ZNF286A: variants seen among roughly 807,000 people sequenced by gnomAD.
ZNF286A encodes zinc finger protein ZNF286.
In ZNF286A, 34 loss-of-function variants were observed where a neutral mutation model predicts 49.3. The observed-to-expected ratio is 0.69, with a 90% CI of 0.52 to 0.92. The LOEUF (loss-of-function observed/expected upper bound fraction) is 0.92. Among genes scored for constraint, ZNF286A ranks in the 40% least tolerant of loss-of-function variants. ZNF286A has a pLI of 0.00. For synonymous variants in ZNF286A, 155 were observed against 200.4 expected (o/e 0.77, Z 1.91); for missense variants, 462 against 600.2 (o/e 0.77, Z 2.41).
At chr17:15,712,570 A>C (rs1386428062) in intron 5 of ZNF286A, among the ~76,000 whole-genome samples, 2 of 152,248 alleles carry the variant, frequency 1.3e-5, no homozygotes, top group African/African-American at 2.4e-5. Context: ...GTGGAAATCT[A>C]CGCACAGTCT....
At chr17:15,716,025 A>G in intron 5 of ZNF286A, 34 bp from the exon 6 acceptor site, 1 of 1,613,806 alleles carries the variant, frequency 6.2e-7, no homozygotes, top group Non-Finnish European at 8.5e-7. Context: ...GAGCACAGAA[A>G]ACGAAGGAAA....
Position 15,716,677 on chromosome 17 carries a change from G to C in ZNF286A, c.953G>C (p.Arg318Thr). ...TESSSLATHQ[R>T]IHVGERPYEC... Reference sequence around the variant, plus strand: ...AGCTCATCCCTTGCAACACATCAGAGAATTCACGTTGGAGAGAGACCTTAT... The same window carrying C: ...AGCTCATCCCTTGCAACACATCAGACAATTCACGTTGGAGAGAGACCTTAT... The change falls in exon 6 of 6, where the codon AGA becomes ACA. Residue 318 changes from arginine (R) to threonine (T), a missense_variant. Arg to Thr is a moderately conservative substitution (Grantham distance 71, BLOSUM62 -1). Transcript: ENST00000583566. 1.2e-6 allele frequency: 2 copies of C among 1,614,028 alleles called. No individual in the cohort carries two copies. The highest frequency in any genetic ancestry group is 8.5e-7 in the Non-Finnish European group (1 of 1,179,936).
intron 5 of ZNF286A, among the ~76,000 whole-genome samples, chr17:15,709,073 T>C (rs1290642690): frequency 3.3e-5 from 5 of 152,128 alleles, no homozygotes; most frequent in Non-Finnish European, 7.3e-5. Context: ...AGTATGTGCG[T>C]TCTAGTTGTT....
Position 15,716,298 on chromosome 17 carries a change from G to A in ZNF286A, c.574G>A (p.Asp192Asn). ...SLSEETDHKH[D>N]VYWKSFNQKS... The stretch of plus-strand genomic sequence containing the variant: ...CTCTGAGGAAACAGACCATAAGCAT[G>A]ATGTATACTGGAAAAGCTTCAATCA... The change falls in exon 6 of 6, where the codon GAT (aspartate) becomes AAT (asparagine). Residue 192 changes from aspartate (D) to asparagine (N), a missense_variant. Physicochemically the swap from Asp to Asn is conservative, Grantham distance 23. Transcript: ENST00000583566. 1 of 1,613,846 alleles carries A rather than the reference G, an allele frequency of 6.2e-7. No individual in the cohort carries two copies. Among genetic ancestry groups the A allele is most frequent in the Non-Finnish European group, 8.5e-7 (1 of 1,179,824 alleles).
chr17:15,704,951 C>A (rs1164699589), intron 3 of ZNF286A: 3 of 1,472,986 alleles, frequency 2.0e-6, no homozygotes, highest in South Asian at 2.6e-5. Flanking sequence ...CTGCGTTCTT[C>A]GGTCCGCCGG....
intron 4 of ZNF286A, among the ~76,000 whole-genome samples, chr17:15,706,890 A>G (rs1340077614): frequency 3.9e-5 from 6 of 152,164 alleles, no homozygotes; most frequent in Non-Finnish European, 8.8e-5. Flanking sequence ...TGGCAGTCCC[A>G]GGGTTACGTT....
At chr17:15,711,868 C>CCCG (rs1990682133) in intron 5 of ZNF286A, among the ~76,000 whole-genome samples, 1 of 92,416 alleles carries the variant, frequency 1.1e-5, no homozygotes, top group African/African-American at 3.9e-5. Context: ...CTGCCCCCCC[C>CCCG]CCGGCTTTTT....
chr17:15,701,719 TAC>T (rs1190271384), intron 3 of ZNF286A, among the ~76,000 whole-genome samples: 1 of 152,218 alleles, frequency 6.6e-6, no homozygotes, highest in African/African-American at 2.4e-5. Context: ...TTTAAAGAGT[TAC>T]AGTTAGAATC....
At chr17:15,705,539 A>G (rs1397965001) in intron 3 of ZNF286A, among the ~76,000 whole-genome samples, 1 of 151,830 alleles carries the variant, frequency 6.6e-6, no homozygotes, top group Admixed American at 6.6e-5. Flanking sequence ...TCATATTTTG[A>G]TATATTTTCT....
chr17:15,705,741 A>C (rs1332364122), intron 3 of ZNF286A, among the ~76,000 whole-genome samples: 1 of 152,216 alleles, frequency 6.6e-6, no homozygotes, highest in Non-Finnish European at 1.5e-5. Flanking sequence ...GTGCATGTTC[A>C]ATGCAGATAT....
At chr17:15,709,261 G>A (rs982088963) in intron 5 of ZNF286A, among the ~76,000 whole-genome samples, 2 of 146,088 alleles carry the variant, frequency 1.4e-5, no homozygotes, top group African/African-American at 5.2e-5. Context: ...AGGCCAAGGT[G>A]GGTGGATCAC....
chr17:15,710,190 A>G (rs1471558340), intron 5 of ZNF286A, among the ~76,000 whole-genome samples: 2 of 152,288 alleles, frequency 1.3e-5, no homozygotes, highest in African/African-American at 4.8e-5. Flanking sequence ...CAGAAGTAGC[A>G]TTGCAAGTCA....
intron 3 of ZNF286A, among the ~76,000 whole-genome samples, chr17:15,701,950 G>A (rs552224040): frequency 5.3e-5 from 8 of 151,884 alleles, no homozygotes; most frequent in Non-Finnish European, 7.4e-5. Flanking sequence ...GTGAAACCCC[G>A]TCTCTACTAA....
rs2530068 is a variant in ZNF286A, at chr17:15,716,625, A to C, written c.901A>C (p.Ser301Arg). 1 of 1,614,110 alleles carries C rather than the reference A, an allele frequency of 6.2e-7. No individual in the cohort carries two copies. The highest frequency in any genetic ancestry group is 2.2e-5 in the East Asian group (1 of 44,876). The change falls in exon 6 of 6, where the codon AGT (serine) becomes CGT (arginine). Residue 301 changes from serine (S) to arginine (R), a missense_variant. Ser to Arg is a moderately radical substitution (Grantham distance 110). Coordinates refer to ENST00000583566, the MANE Select transcript of ZNF286A (RefSeq NM_001130842.2). Reference protein sequence around the residue: ...RTHTRILFECSECKKTFTESS... With the variant: ...RTHTRILFECRECKKTFTESS... ...TCATACTAGAATTCTCTTTGAATGC[A>C]GTGAATGCAAGAAAACCTTCACAGA...
At chr17:15,711,779 G>C (rs1266837823) in intron 5 of ZNF286A, among the ~76,000 whole-genome samples, 2 of 150,240 alleles carry the variant, frequency 1.3e-5, no homozygotes, top group Admixed American at 6.6e-5. Context: ...GCCAATCCCT[G>C]CTCTAAATGG....
chr17:15,718,813 T>C lies in ZNF286A; in HGVS notation c.*1523T>C, dbSNP rs1183203185. ...TATAAAGAAAAAAGGTTTAATTGGC[T>C]CATGGTTCCATGGGCTGTACAGGAA... On this transcript the variant is annotated 3_prime_UTR_variant, in exon 6 of 6. Coordinates refer to ENST00000583566, the MANE Select transcript of ZNF286A (RefSeq NM_001130842.2). 1.4e-5 allele frequency: 2 copies of C among 146,464 alleles called. No homozygotes were observed. The highest frequency in any genetic ancestry group is 3.0e-5 in the Non-Finnish European group (2 of 67,214). The allele number at this position is 146,464 out of a possible 1,614,324, so 9.1% of individuals were successfully genotyped here. A position where few individuals can be genotyped will look rare whatever the true frequency, so the allele number is the denominator to read the frequency against.
At position 15,717,097 on chromosome 17, in the gene ZNF286A, G is replaced by T. The variant is rs763689236; in HGVS notation, c.1373G>T (p.Arg458Ile). Residue 458 changes from arginine to isoleucine, a missense_variant, in exon 6 of 6, where the codon AGA (arginine) becomes ATA (isoleucine). Coordinates refer to ENST00000583566, the MANE Select transcript of ZNF286A (RefSeq NM_001130842.2). ...AGCTCCAATTTTGCTAAACATCAAA[G>T]AATTCATATTGGAAAGAAACCGTAC... ...SRSSNFAKHQRIHIGKKPYKC... is the reference protein window; with the variant it reads ...SRSSNFAKHQIIHIGKKPYKC... 15 of 1,614,074 alleles carry T rather than the reference G, an allele frequency of 9.3e-6. No homozygotes were observed. The highest frequency in any genetic ancestry group is 6.6e-5 in the South Asian group (6 of 91,076).
At chr17:15,712,571 C>T (rs113830514) in intron 5 of ZNF286A, among the ~76,000 whole-genome samples, 6,534 of 144,126 alleles carry the variant, frequency 0.045, no homozygotes, top group African/African-American at 0.18. Flanking sequence ...TGGAAATCTA[C>T]GCACAGTCTT....
At chr17:15,711,870 C>CTCT (rs369194562) in intron 5 of ZNF286A, among the ~76,000 whole-genome samples, 3 of 94,602 alleles carry the variant, frequency 3.2e-5, no homozygotes, top group Non-Finnish European at 2.1e-5. Context: ...GCCCCCCCCC[C>CTCT]GGCTTTTTTT....
Sources: gnomAD v4.1 joint callset for allele counts (sites outside exome capture counted in the v4.1 genomes callset) on GRCh38, gnomAD v4.1.1 for gene constraint, MANE v1.5 for transcripts, NCBI Gene and HGNC (gene_info 2026-07-23, HGNC 2026-07-21) for gene names.